Variants in CCDC88A observed in about 807,000 individuals in gnomAD.
CCDC88A encodes the protein girdin.
A neutral mutation model predicts 234.3 loss-of-function variants in CCDC88A; 54 were observed. The ratio of observed to expected loss-of-function variants is 0.23; its 90% CI spans 0.19 to 0.29. The LOEUF is 0.29. CCDC88A is among the 10% of genes least tolerant of loss of function. The pLI is 1.00. For missense variants in CCDC88A, 1,832 were observed against 2,123.4 expected (o/e 0.86, Z 2.70); for synonymous variants, 753 against 737.8 (o/e 1.02, Z -0.33).
chr2:55,330,488 C>G (rs535556614), intron 16 of CCDC88A, among the ~76,000 whole-genome samples: 6 of 112,586 alleles, frequency 5.3e-5, no homozygotes, highest in Non-Finnish European at 7.6e-5. Context: ...AAAAGAAAGA[C>G]GGGAAACTTA....
chr2:55,359,021 A>G (rs1670951665), intron 7 of CCDC88A, among the ~76,000 whole-genome samples: 1 of 152,184 alleles, frequency 6.6e-6, no homozygotes, highest in Non-Finnish European at 1.5e-5. Flanking sequence ...TGACTCTAAC[A>G]AAGCTGACAG....
At chr2:55,297,163 ACT>A (rs1376746953) in intron 29 of CCDC88A, 5 of 146,992 alleles carry the variant, frequency 3.4e-5, no homozygotes, top group Non-Finnish European at 7.4e-5. Flanking sequence ...CTGGCCTGAG[ACT>A]CTGTCTCAAC....
intron 3 of CCDC88A, among the ~76,000 whole-genome samples, chr2:55,382,708 T>G (rs960152057): frequency 2.7e-4 from 41 of 152,314 alleles, no homozygotes; most frequent in African/African-American, 9.1e-4. Context: ...CAAAAAGGTG[T>G]TTGCTACGGA....
chr2:55,415,124 A>ATT (rs1423555298), intron 2 of CCDC88A, among the ~76,000 whole-genome samples: 1 of 151,844 alleles, frequency 6.6e-6, no homozygotes, highest in Non-Finnish European at 1.5e-5. Flanking sequence ...AAGCAGTAAT[A>ATT]TAAGACTAGC....
At chr2:55,368,075 C>T (rs567160701) in intron 5 of CCDC88A, among the ~76,000 whole-genome samples, 1 of 152,182 alleles carries the variant, frequency 6.6e-6, no homozygotes, top group Non-Finnish European at 1.5e-5. Context: ...ACCTAGGACT[C>T]TCTAACTACT....
chr2:55,296,482 T>C lies in CCDC88A; in HGVS notation c.4867A>G (p.Ser1623Gly). Residue 1623 changes from serine to glycine, a missense_variant, in exon 30 of 33, where the codon AGT becomes GGT. Around this residue, in one of 6 missense-constraint regions of CCDC88A, gnomAD observed 422 missense variants for 416.5 expected, o/e 1.01. Transcript: ENST00000436346. ...NNQSRPQSHS[S>G]GEFSLLHDHE... ...TCATGAAGCAGGCTAAATTCTCCAC[T>C]GCTGTGGCTTTGTGGCCTGCTTTGG... is the stretch of plus-strand genomic sequence containing the variant. The C allele has an allele frequency of 1.2e-6, 2 of 1,614,246 alleles. No homozygotes were observed. Among genetic ancestry groups the C allele is most frequent in the Non-Finnish European group, 1.7e-6 (2 of 1,180,038 alleles).
Position 55,349,439 on chromosome 2 carries a change from A to G in CCDC88A, c.882+79T>C. ...TTTTATTTACATAAAGCATTGAAGT[A>G]AAGGTTATAAATTACAAGGAAGAAA... On this transcript the variant is annotated intron_variant, in intron 9 of 32. Transcript: ENST00000436346. The G allele has an allele frequency of 2.9e-6, 3 of 1,020,098 alleles. No homozygotes were observed. The East Asian group carries it at 7.3e-5, about 25-fold the overall frequency. The allele number at this position is 1,020,098 out of a possible 1,614,324, so 63.2% of individuals were successfully genotyped here.
intron 7 of CCDC88A, among the ~76,000 whole-genome samples, chr2:55,361,605 T>C (rs183455620): frequency 6.6e-6 from 1 of 152,274 alleles, no homozygotes; most frequent in East Asian, 1.9e-4. Context: ...CTCAAAACTG[T>C]CTCTCACATG....
At chr2:55,392,933 A>G (rs1000110057) in intron 2 of CCDC88A, among the ~76,000 whole-genome samples, 2 of 152,056 alleles carry the variant, frequency 1.3e-5, no homozygotes, top group Non-Finnish European at 2.9e-5. Context: ...CTTTATTATG[A>G]TCTCAATTCT....
At chr2:55,373,217 C>T (rs1353778655) in intron 4 of CCDC88A, among the ~76,000 whole-genome samples, 1 of 152,162 alleles carries the variant, frequency 6.6e-6, no homozygotes, top group East Asian at 1.9e-4. Flanking sequence ...ATCTTCTTAT[C>T]AGACATTTCC....
chr2:55,338,627 G>T (rs1201832604), intron 13 of CCDC88A, among the ~76,000 whole-genome samples: 1 of 152,186 alleles, frequency 6.6e-6, no homozygotes. Context: ...TAATTTCAGA[G>T]AAATGGCTGT....
rs70954105 is a variant in CCDC88A at position 55,354,143 on chromosome 2, CTTT to C, written c.800+1433_800+1435del. Among the ~76,000 whole-genome samples the C allele has an allele frequency of 7.4e-3, 1,075 of 146,170 alleles. 11 individuals are homozygous for C. Among genetic ancestry groups the C allele is most frequent in the African/African-American group, 0.024 (970 of 40,018 alleles). ...AAGGTATAAAAGATAAAAAATGGTA[CTTT>C]TTTTTTTTTTTTGAGACAGAGTCTC... On this transcript the variant is annotated intron_variant, in intron 8 of 32. Transcript: ENST00000436346.
At chr2:55,361,293 G>C (rs1405392089) in intron 7 of CCDC88A, among the ~76,000 whole-genome samples, 1 of 152,084 alleles carries the variant, frequency 6.6e-6, no homozygotes, top group Non-Finnish European at 1.5e-5. Context: ...GATTGAAAAT[G>C]AAATGATCTA....
chr2:55,397,882 GTT>G (rs1343980422), intron 2 of CCDC88A, among the ~76,000 whole-genome samples: 1 of 151,806 alleles, frequency 6.6e-6, no homozygotes, highest in Non-Finnish European at 1.5e-5. Context: ...AAAAATTAAT[GTT>G]TTATATTAAG....
chr2:55,419,360 G>A lies in CCDC88A; in HGVS notation c.-281C>T. ...AGGGGCAGAGAAAAGGCATCTGGAG[G>A]AGGAGGAAGGGAAAGGGGGCTGGAA... On this transcript the variant is annotated 5_prime_UTR_variant, in exon 1 of 33. Transcript: ENST00000436346. 2 of 413,166 alleles carry A rather than the reference G, an allele frequency of 4.8e-6. No homozygotes were observed. Among genetic ancestry groups the A allele is most frequent in the Admixed American group, 4.1e-5 (1 of 24,404 alleles). The allele number at this position is 413,166 out of a possible 1,614,324, so 25.6% of individuals were successfully genotyped here.
In CCDC88A at chr2:55,346,156, G is replaced by T; in HGVS notation, c.1041+19C>A. On this transcript the variant is annotated intron_variant, in intron 10 of 32. Transcript: ENST00000436346. ...TAACACAGAAAAAAAAATCATGAAT[G>T]GTTAATTATGCAACATACCTCAACT... 1.3e-6 allele frequency: 2 copies of T among 1,544,630 alleles called. No homozygotes were observed. Among genetic ancestry groups the T allele is most frequent in the South Asian group, 1.2e-5 (1 of 80,608 alleles).
intron 2 of CCDC88A, among the ~76,000 whole-genome samples, chr2:55,415,442 C>G (rs907811297): frequency 7.9e-5 from 12 of 152,084 alleles, no homozygotes; most frequent in Non-Finnish European, 1.2e-4. Context: ...CATCAGGCAA[C>G]AAAAGACAGT....
rs1218444112 is a variant in CCDC88A, at chr2:55,346,246, T to G, written c.970A>C (p.Lys324Gln). 1 of 1,612,240 alleles carries G rather than the reference T, an allele frequency of 6.2e-7. No homozygotes were observed. The highest frequency in any genetic ancestry group is 8.5e-7 in the Non-Finnish European group (1 of 1,178,522). ...ALREKAVRVD[K>Q]LESEVSRYKE... ...TATCTGCTGACTTCACTTTCAAGCT[T>G]ATCGACTCTGACTGCTTTCTCTCGA... Residue 324 changes from lysine to glutamine, a missense_variant, in exon 10 of 33, where the codon AAG (lysine) becomes CAG (glutamine). This residue lies in a region of CCDC88A where 1,282 missense variants were observed against 1,543.6 expected (regional missense o/e 0.83). Transcript: ENST00000436346.
chr2:55,298,081 T>A (rs1545120), intron 29 of CCDC88A, among the ~76,000 whole-genome samples: 141,983 of 152,246 alleles, frequency 0.93, 66,399 homozygotes, highest in East Asian at 0.97. Flanking sequence ...AATGAAAATT[T>A]GCTAGTTCTA....
Sources: allele counts gnomAD v4.1 joint callset (sites outside exome capture counted in the v4.1 genomes callset), GRCh38; gene constraint gnomAD v4.1.1; regional missense constraint gnomAD v4.1.1; transcripts MANE v1.5; gene names NCBI Gene and HGNC (gene_info 2026-07-23, HGNC 2026-07-21).